Variants in PRPSAP2 observed in about 807,000 individuals in gnomAD.
PRPSAP2 encodes phosphoribosyl pyrophosphate synthetase associated protein 2.
In PRPSAP2, 24 loss-of-function variants were observed where a neutral mutation model predicts 40.6. The ratio of observed to expected loss-of-function variants is 0.59; its 90% CI spans 0.43 to 0.83. The LOEUF (loss-of-function observed/expected upper bound fraction) is 0.83. Ranked by LOEUF, PRPSAP2 falls within the 40% of genes least tolerant of loss-of-function variation. PRPSAP2 has a pLI of 0.00. For synonymous variants in PRPSAP2, 149 were observed against 164.7 expected, an observed-to-expected ratio of 0.90 and a Z score of 0.73; for missense variants, 292 against 465.6, an observed-to-expected ratio of 0.63 and a Z score of 3.43.
intron 5 of PRPSAP2, among the ~76,000 whole-genome samples, chr17:18,876,182 T>A (rs1391876409): frequency 6.6e-6 from 1 of 152,206 alleles, no homozygotes; most frequent in African/African-American, 2.4e-5. Context: ...ATACATCTTA[T>A]ACTTCATTTT....
At chr17:18,880,070 T>C (rs2038617586) in intron 6 of PRPSAP2, among the ~76,000 whole-genome samples, 1 of 152,046 alleles carries the variant, frequency 6.6e-6, no homozygotes, top group Admixed American at 6.6e-5. Context: ...CACTCCAGCC[T>C]GGGCAACAAG....
intron 8 of PRPSAP2, among the ~76,000 whole-genome samples, chr17:18,893,129 C>T (rs1351147572): frequency 6.7e-6 from 1 of 149,430 alleles, no homozygotes; most frequent in Non-Finnish European, 1.5e-5. Context: ...AAAAAGGTTT[C>T]AATGCTGATA....
chr17:18,897,279 A>G (rs2039965086), intron 8 of PRPSAP2, among the ~76,000 whole-genome samples: 1 of 152,096 alleles, frequency 6.6e-6, no homozygotes, highest in African/African-American at 2.4e-5. Flanking sequence ...CTTTAACAAG[A>G]TTCAGCTGTT....
intron 4 of PRPSAP2, among the ~76,000 whole-genome samples, chr17:18,872,356 T>G (rs543368697): frequency 6.6e-6 from 1 of 152,256 alleles, no homozygotes; most frequent in African/African-American, 2.4e-5. Context: ...AATTATACAT[T>G]TACTTATTTC....
At position 18,913,458 on chromosome 17, in the gene PRPSAP2, T is replaced by C. The variant is rs894541172; in HGVS notation, c.733+2207T>C. Among the ~76,000 whole-genome samples, 11 of 152,032 alleles carry C rather than the reference T, an allele frequency of 7.2e-5. No homozygotes were observed. The South Asian group carries it at 1.0e-3, about 14-fold the overall frequency. The stretch of plus-strand genomic sequence containing the variant: ...CCCCCAAGACCCTGGCATTCTAGGC[T>C]TATGATGAGATGGGCAGTCACAAAG... On this transcript the variant is annotated intron_variant, in intron 9 of 11. Transcript: ENST00000268835.
At chr17:18,916,081 G>A (rs2041292217) in intron 9 of PRPSAP2, among the ~76,000 whole-genome samples, 1 of 152,096 alleles carries the variant, frequency 6.6e-6, no homozygotes, top group Non-Finnish European at 1.5e-5. Flanking sequence ...GCCTCCCAAA[G>A]TGCTGGGATT....
intron 8 of PRPSAP2, among the ~76,000 whole-genome samples, chr17:18,891,891 CTG>C (rs1212114359): frequency 6.6e-6 from 1 of 152,242 alleles, no homozygotes; most frequent in Admixed American, 6.5e-5. Flanking sequence ...AAATCTTACT[CTG>C]TTGCCGAGGC....
In PRPSAP2 at chr17:18,872,637, A is replaced by C; in HGVS notation, c.227A>C (p.Gln76Pro). The C allele has an allele frequency of 6.3e-7, 1 of 1,596,066 alleles. No homozygotes were observed. The highest frequency in any genetic ancestry group is 8.6e-7 in the Non-Finnish European group (1 of 1,163,818). ...SVRGKDVFII[Q>P]TVSKDVNTTI... ...AGGGGAAAAGATGTTTTCATCATCC[A>C]AACTGTTTCGAAGTGAGTATCCAGC... The change falls in exon 5 of 12, where the codon CAA becomes CCA. Residue 76 changes from glutamine (Q) to proline (P), a missense_variant. Gln to Pro is a moderately conservative substitution (Grantham distance 76). Around this residue, in one of 2 missense-constraint regions of PRPSAP2, gnomAD observed 241 missense variants for 425.7 expected, o/e 0.57. Transcript: ENST00000268835.
intron 8 of PRPSAP2, among the ~76,000 whole-genome samples, chr17:18,892,747 T>TTATTTA (rs1173654165): frequency 1.5e-5 from 2 of 136,804 alleles, no homozygotes; most frequent in Admixed American, 7.5e-5. Context: ...ATTTATTTAT[T>TTATTTA]TTTTTGAGAC....
At chr17:18,865,071 T>G (rs1281540523) in intron 1 of PRPSAP2, 1 of 152,358 alleles carries the variant, frequency 6.6e-6, no homozygotes, top group Non-Finnish European at 1.5e-5. Context: ...GGTCTTGATC[T>G]CTTGATCTCG....
chr17:18,897,278 G>A (rs769245101), intron 8 of PRPSAP2, among the ~76,000 whole-genome samples: 2 of 152,114 alleles, frequency 1.3e-5, no homozygotes, highest in Non-Finnish European at 2.9e-5. Context: ...TCTTTAACAA[G>A]ATTCAGCTGT....
At chr17:18,906,494 G>A (rs1199553203) in intron 8 of PRPSAP2, among the ~76,000 whole-genome samples, 3 of 152,042 alleles carry the variant, frequency 2.0e-5, no homozygotes, top group East Asian at 1.9e-4. Context: ...GATTACAGGC[G>A]TGAGTCACTG....
intron 7 of PRPSAP2, among the ~76,000 whole-genome samples, chr17:18,885,155 C>G (rs1017213904): frequency 4.6e-5 from 7 of 152,036 alleles, no homozygotes; most frequent in African/African-American, 1.7e-4. Context: ...AATCCCAGCA[C>G]TTTGAGAGGC....
chr17:18,874,915 A>G (rs1265979473), intron 5 of PRPSAP2, among the ~76,000 whole-genome samples: 1 of 152,154 alleles, frequency 6.6e-6, no homozygotes, highest in Non-Finnish European at 1.5e-5. Context: ...GTGTGATTCC[A>G]TTGGATAAAT....
rs751128599 is a variant in PRPSAP2 at position 18,877,694 on chromosome 17, AC to A, written c.240-3del. On this transcript the variant is annotated splice_region_variant and splice_polypyrimidine_tract_variant and intron_variant, in intron 5 of 11. Transcript: ENST00000268835. ...TGATGAGATTTGCTGTGTCTTTGTTACAGGGACGTGAACACCACCATCATGG... is the reference window on the plus strand; with the variant it reads ...TGATGAGATTTGCTGTGTCTTTGTTAAGGGACGTGAACACCACCATCATGG... 30 of 1,598,986 alleles carry A rather than the reference AC, an allele frequency of 1.9e-5. No individual in the cohort carries two copies. The highest frequency in any genetic ancestry group is 2.7e-5 in the African/African-American group (2 of 74,076).
intron 7 of PRPSAP2, among the ~76,000 whole-genome samples, chr17:18,887,992 G>A (rs1194491096): frequency 1.9e-5 from 1 of 53,448 alleles, no homozygotes; most frequent in Admixed American, 2.0e-4. Flanking sequence ...AGGACCCTGC[G>A]GCCTTCCGCA....
intron 10 of PRPSAP2, among the ~76,000 whole-genome samples, chr17:18,927,564 C>T (rs2042037002): frequency 6.6e-6 from 1 of 152,026 alleles, no homozygotes. Context: ...GGATGATTTC[C>T]AGGTTGGGGC....
At position 18,865,919 on chromosome 17, in the gene PRPSAP2, C is replaced by T. The variant is rs2037391308; in HGVS notation, c.86C>T (p.Ser29Leu). 4 of 1,537,248 alleles carry T rather than the reference C, an allele frequency of 2.6e-6. No individual in the cohort carries two copies. The highest frequency in any genetic ancestry group is 3.5e-6 in the Non-Finnish European group (4 of 1,132,360). The part of the protein sequence containing the change: ...GLVLFSANSN[S>L]SCMELSKKIA... Reference sequence around the variant, plus strand: ...GTGTTGTTTTCAGCAAACTCGAATTCATCATGTATGGAGCTATCAAAGAAA... The same window carrying T: ...GTGTTGTTTTCAGCAAACTCGAATTTATCATGTATGGAGCTATCAAAGAAA... The change falls in exon 3 of 12, where the codon TCA (serine) becomes TTA (leucine). Residue 29 changes from serine to leucine, a missense_variant. Physicochemically the swap from Ser to Leu is moderately radical, Grantham distance 145 (BLOSUM62 -2). Coordinates refer to ENST00000268835, the MANE Select transcript of PRPSAP2 (RefSeq NM_002767.4).
At chr17:18,867,209 G>T (rs1290251736) in intron 3 of PRPSAP2, 73 bp from the exon 4 acceptor site, 3 of 1,376,026 alleles carry the variant, frequency 2.2e-6, no homozygotes, top group Non-Finnish European at 3.0e-6. Context: ...CGATTTACGA[G>T]TCTCCTTAAA....
Sources: allele counts gnomAD v4.1 joint callset (sites outside exome capture counted in the v4.1 genomes callset), GRCh38; gene constraint gnomAD v4.1.1; regional missense constraint gnomAD v4.1.1; transcripts MANE v1.5; gene names NCBI Gene and HGNC (gene_info 2026-07-23, HGNC 2026-07-21).